The following ROBO1 variants were observed in gnomAD, a reference collection of about 807,000 sequenced individuals.
The protein encoded by ROBO1 is roundabout guidance receptor 1.
A neutral mutation model predicts 195.9 loss-of-function variants in ROBO1; 149 were observed. The observed-to-expected ratio is 0.76, with a 90% CI of 0.67 to 0.87. ROBO1 has a LOEUF of 0.87. ROBO1 is among the 40% of genes least tolerant of loss of function. The probability of loss-of-function intolerance (pLI) is 0.00; values close to 1 mark genes in which losing one functional copy is unlikely to be tolerated. For missense variants in ROBO1, 1,933 were observed against 2,068.3 expected (o/e 0.93, Z 1.27); for synonymous variants, 816 against 733.2 (o/e 1.11, Z -1.82).
rs574360309 is a variant in ROBO1, at chr3:79,349,356, C to G, written c.89-223817G>C. ...TAACCATATTCACTGATCTGAAGAC[C>G]TAATATTGTTAAGATGGCAATATTC... is the stretch of plus-strand genomic sequence containing the variant. On this transcript the variant is annotated intron_variant, in intron 2 of 30. Transcript: ENST00000464233. 2.2e-3 allele frequency among the ~76,000 whole-genome samples: 339 copies of G among 152,150 alleles called. 1 individual carries two copies. The highest frequency in any genetic ancestry group is 7.2e-3 in the African/African-American group (297 of 41,516).
intron 1 of ROBO1, among the ~76,000 whole-genome samples, chr3:79,657,066 CT>C (rs1238174700): frequency 2.0e-5 from 3 of 152,080 alleles, no homozygotes; most frequent in Middle Eastern, 3.4e-3. Context: ...CAAATGTAAC[CT>C]TTGAAAATAT....
At chr3:79,406,183 A>G (rs1220471596) in intron 2 of ROBO1, among the ~76,000 whole-genome samples, 1 of 151,816 alleles carries the variant, frequency 6.6e-6, no homozygotes, top group Non-Finnish European at 1.5e-5. Flanking sequence ...TTCATTTGAG[A>G]ATGTTGAGAT....
intron 2 of ROBO1, among the ~76,000 whole-genome samples, chr3:79,355,069 G>A (rs2035492951): frequency 6.6e-6 from 1 of 152,052 alleles, no homozygotes; most frequent in Non-Finnish European, 1.5e-5. Context: ...CGGAGGCTGA[G>A]GCAGGAGAAT....
chr3:79,618,670 G>T (rs531550224), intron 1 of ROBO1, among the ~76,000 whole-genome samples: 54 of 152,238 alleles, frequency 3.5e-4, no homozygotes, highest in African/African-American at 1.3e-3. Context: ...TGATTAAAAA[G>T]CCTTTTTGCT....
At chr3:79,580,316 A>G (rs1327922868) in intron 2 of ROBO1, among the ~76,000 whole-genome samples, 2 of 150,834 alleles carry the variant, frequency 1.3e-5, no homozygotes, top group African/African-American at 4.9e-5. Context: ...TACTAAAAAC[A>G]AAAAAAAATT....
chr3:79,232,956 C>T (rs2082346401), intron 2 of ROBO1, among the ~76,000 whole-genome samples: 1 of 151,988 alleles, frequency 6.6e-6, no homozygotes, highest in Non-Finnish European at 1.5e-5. Context: ...TAACAGTTGA[C>T]TTTGATGTTA....
intron 2 of ROBO1, among the ~76,000 whole-genome samples, chr3:79,510,496 C>G (rs1940645046): frequency 6.6e-6 from 1 of 151,782 alleles, no homozygotes; most frequent in Admixed American, 6.6e-5. Flanking sequence ...CACATCCTTG[C>G]AATCCACACC....
intron 3 of ROBO1, among the ~76,000 whole-genome samples, chr3:79,049,302 T>A (rs149954818): frequency 6.6e-6 from 1 of 152,174 alleles, no homozygotes; most frequent in African/African-American, 2.4e-5. Flanking sequence ...ATATCAGTGA[T>A]TGAAGATCAA....
In ROBO1 at chr3:79,223,301, A is replaced by G. The variant is rs932290232; in HGVS notation, c.89-97762T>C. ...GAAACATCTGAATTATATCTCATAA[A>G]TCTACGTTCCCCTCTTTTTCTTCTT... On this transcript the variant is annotated intron_variant, in intron 2 of 30. Coordinates refer to ENST00000464233, the MANE Select transcript of ROBO1 (RefSeq NM_002941.4). 7.9e-5 allele frequency among the ~76,000 whole-genome samples: 12 copies of G among 152,254 alleles called. 1 individual carries two copies. The South Asian group carries it at 2.5e-3, about 32-fold the overall frequency.
chr3:79,079,011 G>T (rs779926543), intron 3 of ROBO1, among the ~76,000 whole-genome samples: 2 of 151,700 alleles, frequency 1.3e-5, no homozygotes, highest in Non-Finnish European at 3.0e-5. Context: ...GGGTATAAAT[G>T]TACATACATG....
rs80138054 is a variant in ROBO1 at position 79,455,212 on chromosome 3, C to T, written c.88+134612G>A. 3.0e-3 allele frequency among the ~76,000 whole-genome samples: 458 copies of T among 151,614 alleles called. 2 individuals are homozygous for T. The highest frequency in any genetic ancestry group is 9.7e-3 in the African/African-American group (400 of 41,328). On this transcript the variant is annotated intron_variant, in intron 2 of 30. Coordinates refer to ENST00000464233, the MANE Select transcript of ROBO1 (RefSeq NM_002941.4). ...CTCTTTGGAATGACACATTAGAACACAAAAAGGAGGGCCTGAAGCTAGAGT... is the reference window on the plus strand; with the variant it reads ...CTCTTTGGAATGACACATTAGAACATAAAAAGGAGGGCCTGAAGCTAGAGT...
At chr3:79,313,952 G>A (rs73122590) in intron 2 of ROBO1, among the ~76,000 whole-genome samples, 15,130 of 152,154 alleles carry the variant, frequency 0.099, 818 homozygotes, top group Middle Eastern at 0.14. Flanking sequence ...GTATAGAGTT[G>A]TGTTAAACTC....
intron 3 of ROBO1, among the ~76,000 whole-genome samples, chr3:79,121,071 A>T (rs1387521432): frequency 1.3e-5 from 2 of 152,134 alleles, no homozygotes; most frequent in Admixed American, 6.6e-5. Context: ...CTTTTAGAAT[A>T]TTGAAGCAGA....
At chr3:78,843,169 G>A (rs2033393952) in intron 4 of ROBO1, among the ~76,000 whole-genome samples, 1 of 152,036 alleles carries the variant, frequency 6.6e-6, no homozygotes, top group Non-Finnish European at 1.5e-5. Flanking sequence ...CTGTGGAGGA[G>A]AGCTAGGTAG....
At chr3:78,849,345 G>A (rs1250665715) in intron 4 of ROBO1, among the ~76,000 whole-genome samples, 1 of 151,930 alleles carries the variant, frequency 6.6e-6, no homozygotes, top group Non-Finnish European at 1.5e-5. Context: ...AGAAACCTCG[G>A]TATTTTGGAC....
intron 1 of ROBO1, among the ~76,000 whole-genome samples, chr3:79,599,410 A>T (rs1944273850): frequency 6.6e-6 from 1 of 152,222 alleles, no homozygotes; most frequent in South Asian, 2.1e-4. Flanking sequence ...ATTAAAATAT[A>T]AAATCAATAA....
intron 3 of ROBO1, among the ~76,000 whole-genome samples, chr3:79,030,766 G>A (rs1040592366): frequency 2.0e-5 from 3 of 152,094 alleles, no homozygotes; most frequent in African/African-American, 7.2e-5. Context: ...CTGTCGACCA[G>A]GCTGGAGTGC....
chr3:79,378,088 A>G (rs1186846680), intron 2 of ROBO1, among the ~76,000 whole-genome samples: 1 of 151,994 alleles, frequency 6.6e-6, no homozygotes, highest in Non-Finnish European at 1.5e-5. Context: ...TATTACAGAG[A>G]AAGCAAATAT....
intron 2 of ROBO1, among the ~76,000 whole-genome samples, chr3:79,358,933 T>A (rs1303644929): frequency 1.3e-5 from 2 of 152,022 alleles, no homozygotes; most frequent in Admixed American, 1.3e-4. Flanking sequence ...TTACTGCAAA[T>A]TTGGACAACA....
Sources: gnomAD v4.1 joint callset for allele counts (sites outside exome capture counted in the v4.1 genomes callset) on GRCh38, gnomAD v4.1.1 for gene constraint, MANE v1.5 for transcripts, NCBI Gene and HGNC (gene_info 2026-07-23, HGNC 2026-07-21) for gene names.